CDADC1: variants seen among roughly 807,000 people sequenced by gnomAD.
CDADC1 encodes cytidine and dCMP deaminase domain containing 1.
A neutral mutation model predicts 54.9 loss-of-function variants in CDADC1; 39 were observed. That is an observed-to-expected ratio of 0.71 (90% CI 0.55 to 0.93). The LOEUF is 0.93. Among genes scored for constraint, CDADC1 ranks in the 40% least tolerant of loss-of-function variants. The pLI is 0.00. For missense variants in CDADC1, 518 were observed against 618.8 expected (o/e 0.84, Z 1.73); for synonymous variants, 186 against 204.0 (o/e 0.91, Z 0.75).
At chr13:49,286,194 C>G in intron 8 of CDADC1, 28 bp from the exon 9 acceptor site, 1 of 1,580,742 alleles carries the variant, frequency 6.3e-7, no homozygotes, top group Non-Finnish European at 8.7e-7. Flanking sequence ...CCTCTTTAAA[C>G]AAGTAAAATG....
intron 2 of CDADC1, among the ~76,000 whole-genome samples, chr13:49,251,066 C>T (rs1265980413): frequency 2.0e-5 from 3 of 151,548 alleles, no homozygotes; most frequent in Non-Finnish European, 4.4e-5. Context: ...GTTTTGTTTT[C>T]AGATAAAATT....
At chr13:49,256,746 T>TA (rs1177485692) in intron 3 of CDADC1, among the ~76,000 whole-genome samples, 2 of 152,242 alleles carry the variant, frequency 1.3e-5, no homozygotes, top group Non-Finnish European at 2.9e-5. Context: ...TTTGAAGAGT[T>TA]ACCTTGATGA....
chr13:49,270,315 G>A (rs939752728), intron 5 of CDADC1, among the ~76,000 whole-genome samples: 5 of 152,104 alleles, frequency 3.3e-5, no homozygotes, highest in Non-Finnish European at 7.4e-5. Flanking sequence ...CAACCTCTCA[G>A]CCTCAAGCAA....
intron 8 of CDADC1, among the ~76,000 whole-genome samples, chr13:49,282,485 A>T (rs1006025259): frequency 6.6e-6 from 1 of 152,220 alleles, no homozygotes; most frequent in Non-Finnish European, 1.5e-5. Flanking sequence ...CACTACAAAG[A>T]AATTTTTTCC....
chr13:49,283,396 A>ACT (rs1418417715), intron 8 of CDADC1, among the ~76,000 whole-genome samples: 1 of 151,824 alleles, frequency 6.6e-6, no homozygotes, highest in African/African-American at 2.4e-5. Context: ...TTTTTGTAAA[A>ACT]CTCAATAAAA....
chr13:49,277,826 A>G (rs1236056632), intron 6 of CDADC1, among the ~76,000 whole-genome samples: 1 of 152,224 alleles, frequency 6.6e-6, no homozygotes, highest in African/African-American at 2.4e-5. Flanking sequence ...TTATTTTCCA[A>G]CTAAATCACA....
intron 4 of CDADC1, among the ~76,000 whole-genome samples, chr13:49,263,123 A>C (rs1437021274): frequency 6.6e-6 from 1 of 152,182 alleles, no homozygotes; most frequent in Non-Finnish European, 1.5e-5. Flanking sequence ...CTACTTTTTT[A>C]ATGGAACATC....
intron 8 of CDADC1, among the ~76,000 whole-genome samples, chr13:49,282,236 G>GTTTTTTTTTTTTT (rs759792512): frequency 1.1e-5 from 1 of 94,144 alleles, no homozygotes; most frequent in African/African-American, 4.1e-5. Flanking sequence ...GTTTTTGTGG[G>GTTTTTTTTTTTTT]TTTTTTTTTT....
chr13:49,279,790 C>T (rs1471222469), intron 7 of CDADC1, among the ~76,000 whole-genome samples: 1 of 152,162 alleles, frequency 6.6e-6, no homozygotes, highest in South Asian at 2.1e-4. Context: ...CCTCAGAACC[C>T]GGAAGTCAGT....
rs118053428 is a variant in CDADC1, at chr13:49,254,107, A to G, written c.178-1732A>G. ...AATGAGATAATTTAGGGCCTGGTAC[A>G]TGATAAACATGCAGTAGATGTTAGG... is the stretch of plus-strand genomic sequence containing the variant. On this transcript the variant is annotated intron_variant, in intron 2 of 9. Transcript: ENST00000251108. Among the ~76,000 whole-genome samples, 1,319 of 152,330 alleles carry G rather than the reference A, an allele frequency of 8.7e-3. 8 individuals are homozygous for G. The highest frequency in any genetic ancestry group is 0.014 in the Non-Finnish European group (948 of 68,032).
chr13:49,262,159 C>T (rs960324498), intron 4 of CDADC1, among the ~76,000 whole-genome samples: 7 of 152,122 alleles, frequency 4.6e-5, no homozygotes, highest in Non-Finnish European at 1.0e-4. Flanking sequence ...ATACTACCTT[C>T]AGGTTGGGCA....
chr13:49,265,803 T>A, intron 4 of CDADC1: 1 of 1,229,070 alleles, frequency 8.1e-7, no homozygotes, highest in Non-Finnish European at 1.1e-6. Flanking sequence ...TCAAAAAATT[T>A]GAGAAACTCT....
At chr13:49,280,248 G>A (rs1953280726) in intron 7 of CDADC1, among the ~76,000 whole-genome samples, 1 of 152,002 alleles carries the variant, frequency 6.6e-6, no homozygotes, top group Non-Finnish European at 1.5e-5. Flanking sequence ...TTTGTAATCT[G>A]AAACTGAACC....
intron 4 of CDADC1, among the ~76,000 whole-genome samples, chr13:49,262,514 GT>G (rs1323068752): frequency 6.6e-6 from 1 of 151,888 alleles, no homozygotes; most frequent in African/African-American, 2.4e-5. Context: ...TAAAACTACT[GT>G]TTCCGTATCT....
At chr13:49,291,343 A>AT (rs1566383362) in intron 9 of CDADC1, among the ~76,000 whole-genome samples, 29 of 104,094 alleles carry the variant, frequency 2.8e-4, no homozygotes, top group South Asian at 1.1e-3. Flanking sequence ...AAAAAAAAAA[A>AT]ATTTTTTTTG....
chr13:49,288,124 A>G (rs1201562474), intron 9 of CDADC1, among the ~76,000 whole-genome samples: 1 of 152,240 alleles, frequency 6.6e-6, no homozygotes, highest in Admixed American at 6.5e-5. Context: ...GCTGTGGTTA[A>G]AGCCCCAAGA....
At chr13:49,256,618 T>C (rs1952554678) in intron 3 of CDADC1, among the ~76,000 whole-genome samples, 1 of 152,266 alleles carries the variant, frequency 6.6e-6, no homozygotes, top group Non-Finnish European at 1.5e-5. Flanking sequence ...AAGTGCAGAC[T>C]TGAAAGATGA....
chr13:49,267,609 A>G lies in CDADC1; in HGVS notation c.550A>G (p.Ser184Gly), dbSNP rs1198739825. Reference protein sequence around the residue: ...AKAVERLKSNSRAHVCVLLQP... With the variant: ...AKAVERLKSNGRAHVCVLLQP... ...AGCAGTGGAAAGATTGAAGTCAAAC[A>G]GTCGGGCCCATGTGTGTGTCTTACT... is the stretch of plus-strand genomic sequence containing the variant. Residue 184 changes from serine (S) to glycine (G), a missense_variant, in exon 5 of 10, where the codon AGT becomes GGT. Ser to Gly is a moderately conservative substitution (Grantham distance 56). Transcript: ENST00000251108. The G allele has an allele frequency of 6.2e-7, 1 of 1,614,042 alleles. No homozygotes were observed. Among genetic ancestry groups the G allele is most frequent in the African/African-American group, 1.3e-5 (1 of 74,926 alleles).
chr13:49,271,074 T>G (rs1428657834), intron 5 of CDADC1, among the ~76,000 whole-genome samples: 1 of 152,214 alleles, frequency 6.6e-6, no homozygotes, highest in Non-Finnish European at 1.5e-5. Flanking sequence ...TGCTTATAAT[T>G]GCTTTTTGAA....
Sources: allele counts gnomAD v4.1 joint callset (sites outside exome capture counted in the v4.1 genomes callset), GRCh38; gene constraint gnomAD v4.1.1; transcripts MANE v1.5; gene names NCBI Gene and HGNC (gene_info 2026-07-23, HGNC 2026-07-21).